Variants in KLK2 observed in about 807,000 individuals in gnomAD.
KLK2 encodes the protein kallikrein related peptidase 2.
Under a neutral mutation model 23.0 loss-of-function variants are expected in KLK2, and 17 were observed. The ratio of observed to expected loss-of-function variants is 0.74; its 90% CI spans 0.51 to 1.11. The LOEUF is 1.11. KLK2 is among the 50% of genes least tolerant of loss of function. The pLI is 0.00. For missense variants in KLK2, 330 were observed against 325.9 expected (o/e 1.01, Z -0.10); for synonymous variants, 140 against 124.7 (o/e 1.12, Z -0.82).
In KLK2 at chr19:50,876,935, G is replaced by C. The variant is rs1248745153; in HGVS notation, c.557G>C (p.Arg186Thr). 3.1e-6 allele frequency: 5 copies of C among 1,614,196 alleles called. No individual in the cohort carries two copies. The South Asian group carries it at 4.4e-5, about 14-fold the overall frequency. ...CTCCTGTCCAATGACATGTGTGCTA[G>C]AGCTTACTCTGAGAAGGTGACAGAG... ...LHLLSNDMCA[R>T]AYSEKVTEFM... is the part of the protein sequence containing the mutation. The change falls in exon 4 of 5, where the codon AGA becomes ACA. Residue 186 changes from arginine (R) to threonine (T), a missense_variant. Physicochemically the swap from Arg to Thr is moderately conservative, Grantham distance 71 (BLOSUM62 -1). Transcript: ENST00000325321.
chr19:50,879,475 CAT>C lies in KLK2; in HGVS notation c.*919_*920del, dbSNP rs1442497598. ...GGGGCCTTTCCCTTTGGATGGGGGG[CAT>C]ATCTGACAGTTATTCTCTCCAAGTG... On this transcript the variant is annotated 3_prime_UTR_variant, in exon 5 of 5. Coordinates refer to ENST00000325321, the MANE Select transcript of KLK2 (RefSeq NM_005551.5). 2.2e-5 allele frequency: 5 copies of C among 231,820 alleles called. No individual in the cohort carries two copies. Among genetic ancestry groups the C allele is most frequent in the Non-Finnish European group, 4.3e-5 (5 of 117,392 alleles). 14.4% of individuals were successfully genotyped at this position (231,820 alleles called of 1,614,324 possible).
Position 50,876,981 on chromosome 19 carries a change from C to G in KLK2, c.603C>G (p.Leu201=), listed in dbSNP as rs778770200. 12 of 1,614,038 alleles carry G rather than the reference C, an allele frequency of 7.4e-6. No individual in the cohort carries two copies. The highest frequency in any genetic ancestry group is 1.6e-4 in the Middle Eastern group (1 of 6,084). ...CAGAGTTCATGTTGTGTGCTGGGCT[C>G]TGGACAGGTGGTAAAGACACTTGTG... ...KVTEFMLCAG[L]WTGGKDTCGG... Residue 201 remains leucine, a synonymous_variant, in exon 4 of 5, where the codon CTC becomes CTG. Coordinates refer to ENST00000325321, the MANE Select transcript of KLK2 (RefSeq NM_005551.5).
At chr19:50,878,317 C>G (rs749206406) in intron 4 of KLK2, 87 bp from the exon 5 acceptor site, 26 of 1,303,848 alleles carry the variant, frequency 2.0e-5, no homozygotes, top group Non-Finnish European at 2.7e-5. Context: ...TCTCAGTCAT[C>G]TGCCTGCGCG....
At chr19:50,876,412 T>C in intron 2 of KLK2, 60 bp from the exon 3 acceptor site, 1 of 1,491,858 alleles carries the variant, frequency 6.7e-7, no homozygotes, top group Admixed American at 1.7e-5. Context: ...TATCCTCCCC[T>C]GCCCCATCTA....
rs1321472174 is a variant in KLK2, at chr19:50,879,659, T to G, written c.*1100T>G. 7 of 230,310 alleles carry G rather than the reference T, an allele frequency of 3.0e-5. No individual in the cohort carries two copies. Among genetic ancestry groups the G allele is most frequent in the Non-Finnish European group, 5.2e-5 (6 of 116,280 alleles). 14.3% of individuals were successfully genotyped at this position (230,310 alleles called of 1,614,324 possible). A position where few individuals can be genotyped will look rare whatever the true frequency, so the allele number is the denominator to read the frequency against. On this transcript the variant is annotated 3_prime_UTR_variant, in exon 5 of 5. Transcript: ENST00000325321. ...GAGTACTTGAATAATTGACCTGAAG[T>G]CCTCAGACCTGAGGTTCCCTAGAGT...
Position 50,877,022 on chromosome 19 carries a change from A to G in KLK2, c.630+14A>G, listed in dbSNP as rs1248938359. The G allele has an allele frequency of 1.2e-6, 2 of 1,613,456 alleles. No homozygotes were observed. Among genetic ancestry groups the G allele is most frequent in the Non-Finnish European group, 1.7e-6 (2 of 1,179,896 alleles). On this transcript the variant is annotated intron_variant, in intron 4 of 4. Coordinates refer to ENST00000325321, the MANE Select transcript of KLK2 (RefSeq NM_005551.5). ...GACACTTGTGGGGTGAGTCATCCCT[A>G]CTCCCAACATCTGGAGGGGAAAGGT...
chr19:50,876,990 T>C lies in KLK2; in HGVS notation c.612T>C (p.Gly204=). 1 of 1,613,982 alleles carries C rather than the reference T, an allele frequency of 6.2e-7. No homozygotes were observed. Among genetic ancestry groups the C allele is most frequent in the Non-Finnish European group, 8.5e-7 (1 of 1,179,984 alleles). The change falls in exon 4 of 5, where the codon GGT becomes GGC. Residue 204 remains glycine (G), a synonymous_variant. Transcript: ENST00000325321. ...TGTTGTGTGCTGGGCTCTGGACAGG[T>C]GGTAAAGACACTTGTGGGGTGAGTC... ...EFMLCAGLWT[G]GKDTCGGDSG...
chr19:50,876,285 C>T (rs2090285957), intron 2 of KLK2, 187 bp from the exon 3 acceptor site: 2 of 600,844 alleles, frequency 3.3e-6, no homozygotes, highest in Non-Finnish European at 2.9e-6. Context: ...CTGTCTCTGC[C>T]TCTCACATGA....
At chr19:50,876,448 T>C (rs745309262) in intron 2 of KLK2, 24 bp from the exon 3 acceptor site, 1 of 1,611,918 alleles carries the variant, frequency 6.2e-7, no homozygotes, top group South Asian at 1.1e-5. Context: ...TCTCTCCTCA[T>C]GCATCCACCC....
At chr19:50,874,943 G>A (rs774119606) in intron 2 of KLK2, 63 bp downstream of exon 2, 1 of 1,557,116 alleles carries the variant, frequency 6.4e-7, no homozygotes. Flanking sequence ...ACAGCGGGAT[G>A]CTTCCCCCAG....
In KLK2 at chr19:50,874,842, C is replaced by A. The variant is rs376625424; in HGVS notation, c.168C>A (p.His56Gln). The A allele has an allele frequency of 6.2e-7, 1 of 1,613,072 alleles. No homozygotes were observed. Among genetic ancestry groups the A allele is most frequent in the South Asian group, 1.1e-5 (1 of 90,938 alleles). The change falls in exon 2 of 5, where the codon CAC becomes CAA. Residue 56 changes from histidine (H) to glutamine (Q), a missense_variant. Physicochemically the swap from His to Gln is conservative, Grantham distance 24. Coordinates refer to ENST00000325321, the MANE Select transcript of KLK2 (RefSeq NM_005551.5). Reference sequence around the variant, plus strand: ...CACACTGTGGGGGTGTCCTGGTGCACCCCCAGTGGGTGCTCACAGCTGCCC... The same window carrying A: ...CACACTGTGGGGGTGTCCTGGTGCAACCCCAGTGGGTGCTCACAGCTGCCC... ...GWAHCGGVLV[H>Q]PQWVLTAAHC...
chr19:50,873,575 C>A, intron 1 of KLK2, 56 bp downstream of exon 1: 3 of 1,303,252 alleles, frequency 2.3e-6, no homozygotes, highest in Non-Finnish European at 3.2e-6. Flanking sequence ...TGCTGAAGCC[C>A]TTTTCCTCCC....
chr19:50,878,965 A>G lies in KLK2; in HGVS notation c.*406A>G. 4.1e-6 allele frequency: 1 copy of G among 245,250 alleles called. No individual in the cohort carries two copies. The highest frequency in any genetic ancestry group is 1.6e-4 in the South Asian group (1 of 6,400). 15.2% of individuals were successfully genotyped at this position (245,250 alleles called of 1,614,324 possible). A position where few individuals can be genotyped will look rare whatever the true frequency, so the allele number is the denominator to read the frequency against. On this transcript the variant is annotated 3_prime_UTR_variant, in exon 5 of 5. Transcript: ENST00000325321. ...GGACACTCTCTACAGATCACTGAGG[A>G]TAAGCTGGAGCCACAATGCATGAGG...
At chr19:50,878,346 G>A in intron 4 of KLK2, 58 bp from the exon 5 acceptor site, 1 of 1,542,796 alleles carries the variant, frequency 6.5e-7, no homozygotes, top group Non-Finnish European at 8.8e-7. Flanking sequence ...AGATGGAGTT[G>A]CCTAGGCAGT....
rs143418432 is a variant in KLK2 at position 50,876,589 on chromosome 19, T to A, written c.324T>A (p.His108Gln). The change falls in exon 3 of 5, where the codon CAT becomes CAA. Residue 108 changes from histidine (H) to glutamine (Q), a missense_variant. His to Gln is a conservative substitution (Grantham distance 24). Transcript: ENST00000325321. Reference protein sequence around the residue: ...HPLYNMSLLKHQSLRPDEDSS... With the variant: ...HPLYNMSLLKQQSLRPDEDSS... ...TCTACAATATGAGCCTTCTGAAGCA[T>A]CAAAGCCTTAGACCAGATGAAGACT... The A allele has an allele frequency of 5.7e-5, 92 of 1,614,158 alleles. No individual in the cohort carries two copies. In the African/African-American group the frequency reaches 1.1e-3, roughly 19 times the overall value.
At position 50,878,760 on chromosome 19, in the gene KLK2, C is replaced by A; in HGVS notation, c.*201C>A. On this transcript the variant is annotated 3_prime_UTR_variant, in exon 5 of 5. Transcript: ENST00000325321. ...AGGAATGGGCAGACACAGGTGTATG[C>A]CAATGTTTCTGAAATGGGTATAATT... 2.0e-6 allele frequency: 1 copy of A among 495,708 alleles called. No individual in the cohort carries two copies. Among genetic ancestry groups the A allele is most frequent in the South Asian group, 3.9e-5 (1 of 25,590 alleles). The allele number at this position is 495,708 out of a possible 1,614,324, so 30.7% of individuals were successfully genotyped here. A position where few individuals can be genotyped will look rare whatever the true frequency, so the allele number is the denominator to read the frequency against.
intron 2 of KLK2, chr19:50,875,796 C>T (rs1034356228): frequency 6.5e-6 from 1 of 153,838 alleles, no homozygotes; most frequent in African/African-American, 2.4e-5. Flanking sequence ...AAGACTCCAT[C>T]TCAGAAAAAA....
intron 2 of KLK2, 186 bp downstream of exon 2, chr19:50,875,066 T>G: frequency 8.7e-7 from 1 of 1,144,636 alleles, no homozygotes; most frequent in Non-Finnish European, 1.2e-6. Flanking sequence ...TGCCTGGGTT[T>G]CTCTCTGTGT....
chr19:50,876,198 T>C, intron 2 of KLK2: 1 of 511,700 alleles, frequency 2.0e-6, no homozygotes, highest in South Asian at 2.6e-5. Context: ...ATCCTAATTC[T>C]CACTGTTCTC....
Sources: allele counts gnomAD v4.1 joint callset, GRCh38; gene constraint gnomAD v4.1.1; transcripts MANE v1.5; gene names NCBI Gene and HGNC (gene_info 2026-07-23, HGNC 2026-07-21).